The following SIRT5 variants were observed in gnomAD, a reference collection of about 807,000 sequenced individuals.
SIRT5 encodes sirtuin 5.
SIRT5 carries 26 observed loss-of-function variants against 40.0 expected under a neutral mutation model. The observed-to-expected ratio is 0.65, with a 90% CI of 0.48 to 0.90. The LOEUF (loss-of-function observed/expected upper bound fraction) is 0.90. Among genes scored for constraint, SIRT5 ranks in the 40% least tolerant of loss-of-function variants. The pLI is 0.00. For synonymous variants in SIRT5, 146 were observed against 149.1 expected (o/e 0.98, Z 0.15); for missense variants, 401 against 402.4 (o/e 1.00, Z 0.03).
intron 9 of SIRT5, among the ~76,000 whole-genome samples, chr6:13,610,786 T>C (rs965819481): frequency 1.3e-5 from 2 of 152,188 alleles, no homozygotes; most frequent in African/African-American, 2.4e-5. Flanking sequence ...AGATGCCGTG[T>C]AGTCTGGGCT....
rs771634561 is a variant in SIRT5 at position 13,600,989 on chromosome 6, C to T, written c.857+40C>T. 1.2e-5 allele frequency: 17 copies of T among 1,451,528 alleles called. No individual in the cohort carries two copies. In the African/African-American group the frequency reaches 1.7e-4, roughly 14 times the overall value. The allele number at this position is 1,451,528 out of a possible 1,614,324, so 89.9% of individuals were successfully genotyped here. A position where few individuals can be genotyped will look rare whatever the true frequency, so the allele number is the denominator to read the frequency against. On this transcript the variant is annotated intron_variant, in intron 9 of 9. Transcript: ENST00000606117. ...TGATGGGAGAGGGAGATGTGGGAGG[C>T]AGGTACAGACATGGTCATCTAAACA...
At chr6:13,582,034 A>C (rs1759410316) in intron 2 of SIRT5, among the ~76,000 whole-genome samples, 1 of 152,160 alleles carries the variant, frequency 6.6e-6, no homozygotes, top group Non-Finnish European at 1.5e-5. Context: ...ACATGATCTA[A>C]CACAAGCACA....
In SIRT5 at chr6:13,610,829, A is replaced by C. The variant is rs565037011; in HGVS notation, c.858-961A>C. 2.6e-5 allele frequency among the ~76,000 whole-genome samples: 4 copies of C among 152,300 alleles called. No homozygotes were observed. The South Asian group carries it at 8.3e-4, about 32-fold the overall frequency. ...AAGTGGCACTCTGTTGATAGAACAA[A>C]GCATTTGAGGGATAAGGCAGTCACT... On this transcript the variant is annotated intron_variant, in intron 9 of 9. Transcript: ENST00000606117.
chr6:13,600,120 G>T (rs1212252334), intron 8 of SIRT5, among the ~76,000 whole-genome samples: 1 of 152,194 alleles, frequency 6.6e-6, no homozygotes, highest in African/African-American at 2.4e-5. Flanking sequence ...CTCTTCAAAT[G>T]ATTTCCTTAG....
Position 13,615,003 on chromosome 6 carries a change from C to T in SIRT5, c.*3138C>T. The T allele has an allele frequency of 4.0e-6, 1 of 251,526 alleles. No individual in the cohort carries two copies. The highest frequency in any genetic ancestry group is 7.6e-6 in the Non-Finnish European group (1 of 131,730). The allele number at this position is 251,526 out of a possible 1,614,324, so 15.6% of individuals were successfully genotyped here. On this transcript the variant is annotated 3_prime_UTR_variant, in exon 10 of 10. Transcript: ENST00000606117. ...ACGGCGGCGAGCAGCGCCTCGGGCC[C>T]GCGATTACCGGTTTTCTGAGCACCG...
Position 13,607,110 on chromosome 6 carries a change from G to C in SIRT5, c.858-4680G>C, listed in dbSNP as rs1287081040. The stretch of plus-strand genomic sequence containing the variant: ...GTTCCCCAAATACCCCTGAAGATAC[G>C]AATGACTCCAGCCCTTATTTTATAA... On this transcript the variant is annotated intron_variant, in intron 9 of 9. Coordinates refer to ENST00000606117, the MANE Select transcript of SIRT5 (RefSeq NM_012241.5). This position sits in a 1 kb window ranked among gnomAD's most constrained non-coding sequence, Gnocchi z 4.0. 6.6e-6 allele frequency among the ~76,000 whole-genome samples: 1 copy of C among 151,346 alleles called. No individual in the cohort carries two copies. The highest frequency in any genetic ancestry group is 1.5e-5 in the Non-Finnish European group (1 of 67,944).
At chr6:13,581,329 A>G (rs1041301922) in intron 2 of SIRT5, among the ~76,000 whole-genome samples, 2 of 152,190 alleles carry the variant, frequency 1.3e-5, no homozygotes, top group African/African-American at 4.8e-5. Flanking sequence ...TCTGAAGAGT[A>G]TTGGCCAGTT....
At chr6:13,598,549 G>T (rs1761917019) in intron 7 of SIRT5, among the ~76,000 whole-genome samples, 1 of 152,182 alleles carries the variant, frequency 6.6e-6, no homozygotes, top group South Asian at 2.1e-4. Flanking sequence ...GGACAGTTCT[G>T]CAGGGCGCGG....
chr6:13,595,365 C>A, intron 5 of SIRT5, 112 bp from the exon 6 acceptor site: 1 of 841,268 alleles, frequency 1.2e-6, no homozygotes, highest in Non-Finnish European at 1.9e-6. Context: ...CTGGGTGAGA[C>A]CAAAACATGA....
At chr6:13,593,439 C>CGGAA in intron 5 of SIRT5, among the ~76,000 whole-genome samples, 1 of 152,310 alleles carries the variant, frequency 6.6e-6, no homozygotes, top group South Asian at 2.1e-4. Context: ...GAGCCACTTT[C>CGGAA]CATGTGCCTC....
chr6:13,608,585 TAA>T (rs751373309), intron 9 of SIRT5, among the ~76,000 whole-genome samples: 21 of 137,570 alleles, frequency 1.5e-4, no homozygotes, highest in Admixed American at 2.2e-4. Context: ...GACTCTGTCT[TAA>T]AAAAAAAAAA....
chr6:13,590,746 T>C (rs1760766516), intron 4 of SIRT5, among the ~76,000 whole-genome samples: 1 of 152,012 alleles, frequency 6.6e-6, no homozygotes, highest in Non-Finnish European at 1.5e-5. Flanking sequence ...GTTGTGTGTA[T>C]GTACAGTTGT....
intron 6 of SIRT5, among the ~76,000 whole-genome samples, chr6:13,596,694 C>T (rs964458988): frequency 2.0e-5 from 3 of 152,080 alleles, no homozygotes; most frequent in Non-Finnish European, 4.4e-5. Flanking sequence ...ACTGTATTGC[C>T]GAGGGTTGTC....
At chr6:13,597,044 G>T (rs779522798) in intron 7 of SIRT5, 28 bp downstream of exon 7, 3 of 1,552,704 alleles carry the variant, frequency 1.9e-6, no homozygotes, top group South Asian at 1.2e-5. Context: ...ATTTGTACTG[G>T]TGTTCCAGGT....
chr6:13,574,741 C>T lies in SIRT5; in HGVS notation c.-198C>T, dbSNP rs1458543044. 1.3e-5 allele frequency: 2 copies of T among 152,302 alleles called. No individual in the cohort carries two copies. The highest frequency in any genetic ancestry group is 2.9e-5 in the Non-Finnish European group (2 of 68,230). 9.4% of individuals were successfully genotyped at this position (152,302 alleles called of 1,614,324 possible). On this transcript the variant is annotated 5_prime_UTR_variant, in exon 1 of 10. The change creates a premature stop within an existing upstream ORF in the 5' untranslated region. Transcript: ENST00000606117. ...GCGGGCCGGCAGCATGTGCGGGGCC[C>T]AAGGTCTTCCGGGCTCTGCGTGGGG...
chr6:13,580,259 C>T (rs575965327), intron 2 of SIRT5, among the ~76,000 whole-genome samples: 14 of 152,294 alleles, frequency 9.2e-5, no homozygotes, highest in African/African-American at 2.2e-4. Context: ...TTTTTGATTG[C>T]AGAAGAGACA....
intron 6 of SIRT5, among the ~76,000 whole-genome samples, 162 bp downstream of exon 6, chr6:13,595,726 A>G (rs1296617521): frequency 2.6e-5 from 4 of 152,110 alleles, no homozygotes; most frequent in African/African-American, 4.8e-5. Flanking sequence ...TAATCCCAGC[A>G]CTTTGGGGTT....
chr6:13,578,972 C>T (rs1375555379), intron 1 of SIRT5, among the ~76,000 whole-genome samples: 1 of 152,176 alleles, frequency 6.6e-6, no homozygotes, highest in Non-Finnish European at 1.5e-5. Context: ...GGCCTCTTTT[C>T]CCACCTGGAA....
chr6:13,585,119 T>G (rs1759890163), intron 3 of SIRT5: 1 of 152,278 alleles, frequency 6.6e-6, no homozygotes, highest in Non-Finnish European at 1.5e-5. Flanking sequence ...GGAAGGGATG[T>G]GAGTTCAGGT....
Sources: allele counts gnomAD v4.1 joint callset (sites outside exome capture counted in the v4.1 genomes callset), GRCh38; gene constraint gnomAD v4.1.1; non-coding constraint Gnocchi (gnomAD v3.1); transcripts MANE v1.5; gene names NCBI Gene and HGNC (gene_info 2026-07-23, HGNC 2026-07-21).